CSMD3: variants seen among roughly 807,000 people sequenced by gnomAD.
The protein encoded by CSMD3 is CUB and sushi domain-containing protein 3.
Under a neutral mutation model 435.2 loss-of-function variants are expected in CSMD3, and 177 were observed. The observed-to-expected ratio is 0.41, with a 90% CI of 0.36 to 0.46. CSMD3 has a LOEUF of 0.46. Among genes scored for constraint, CSMD3 ranks in the 20% least tolerant of loss-of-function variants. The pLI is 0.34. For missense variants in CSMD3, 4,265 were observed against 4,504.6 expected (o/e 0.95, Z 1.52); for synonymous variants, 1,656 against 1,520.5 (o/e 1.09, Z -2.07).
intron 10 of CSMD3, among the ~76,000 whole-genome samples, chr8:112,870,894 A>G (rs574750308): frequency 6.6e-6 from 1 of 152,336 alleles, no homozygotes; most frequent in Admixed American, 6.5e-5. Context: ...AATAGATTAC[A>G]AAAGGCTATT....
At chr8:112,454,519 C>T (rs1399028033) in intron 32 of CSMD3, among the ~76,000 whole-genome samples, 3 of 152,076 alleles carry the variant, frequency 2.0e-5, no homozygotes, top group Admixed American at 6.6e-5. Flanking sequence ...CAGGGAAATG[C>T]AAATCCAAAC....
chr8:113,272,185 T>G (rs1331441312), intron 3 of CSMD3, among the ~76,000 whole-genome samples: 2 of 152,166 alleles, frequency 1.3e-5, no homozygotes, highest in Admixed American at 6.5e-5. Flanking sequence ...TGTGGACTTC[T>G]GGGTTAATGC....
intron 3 of CSMD3, among the ~76,000 whole-genome samples, chr8:113,204,826 C>G (rs2092753316): frequency 1.3e-5 from 2 of 152,006 alleles, no homozygotes; most frequent in South Asian, 4.2e-4. Context: ...AAAGATATAC[C>G]CGAGACTGGG....
At chr8:112,337,454 A>T (rs1244236451) in intron 43 of CSMD3, 89 bp downstream of exon 43, 22 of 964,004 alleles carry the variant, frequency 2.3e-5, no homozygotes, top group Non-Finnish European at 3.7e-5. Context: ...TTAGCATGCT[A>T]TTGGAAGAGG....
intron 22 of CSMD3, among the ~76,000 whole-genome samples, chr8:112,636,228 G>A (rs141195075): frequency 1.3e-5 from 2 of 151,968 alleles, no homozygotes; most frequent in African/African-American, 2.4e-5. Flanking sequence ...TTTAATTATA[G>A]TTATTTTTTA....
At chr8:112,814,431 A>G (rs533015821) in intron 12 of CSMD3, among the ~76,000 whole-genome samples, 25 of 152,238 alleles carry the variant, frequency 1.6e-4, no homozygotes, top group South Asian at 8.3e-4. Flanking sequence ...TCTTATCTTT[A>G]TGTAGATATA....
In CSMD3 at chr8:112,993,909, TCAAA is replaced by T. The variant is rs1433424959; in HGVS notation, c.1031-17765_1031-17762del. Reference sequence around the variant, plus strand: ...ACATGTAGGAGTTATTCACATAGATTCAAACAGTCAGCTGTATCAATTAACTTTT... The same window carrying T: ...ACATGTAGGAGTTATTCACATAGATTCAGTCAGCTGTATCAATTAACTTTT... On this transcript the variant is annotated intron_variant, in intron 6 of 70. Coordinates refer to ENST00000297405, the MANE Select transcript of CSMD3 (RefSeq NM_198123.2). Among the ~76,000 whole-genome samples, 4 of 151,722 alleles carry T rather than the reference TCAAA, an allele frequency of 2.6e-5. No homozygotes were observed. The Admixed American group carries it at 2.6e-4, about 10-fold the overall frequency.
chr8:113,024,803 A>C (rs1273955998), intron 5 of CSMD3, among the ~76,000 whole-genome samples: 2 of 152,170 alleles, frequency 1.3e-5, no homozygotes, highest in Non-Finnish European at 2.9e-5. Flanking sequence ...TAGTAAAGTC[A>C]GAGCCTTTAG....
intron 13 of CSMD3, among the ~76,000 whole-genome samples, chr8:112,743,088 CTGTG>C (rs1211326954): frequency 6.6e-6 from 1 of 151,982 alleles, no homozygotes; most frequent in Non-Finnish European, 1.5e-5. Flanking sequence ...TTAAGTGACT[CTGTG>C]TGTACACACA....
At chr8:113,048,739 C>A (rs866199494) in intron 5 of CSMD3, among the ~76,000 whole-genome samples, 1 of 152,190 alleles carries the variant, frequency 6.6e-6, no homozygotes, top group East Asian at 1.9e-4. Flanking sequence ...AAAATAAGAA[C>A]CATGGTAGAT....
intron 42 of CSMD3, among the ~76,000 whole-genome samples, chr8:112,340,162 C>G (rs913122997): frequency 1.3e-5 from 2 of 152,308 alleles, no homozygotes; most frequent in South Asian, 4.1e-4. Flanking sequence ...AGGCCATGTA[C>G]ACTTGCTAAA....
chr8:112,651,658 C>A (rs908065102), intron 18 of CSMD3, among the ~76,000 whole-genome samples: 1 of 152,000 alleles, frequency 6.6e-6, no homozygotes, highest in Non-Finnish European at 1.5e-5. Context: ...CTGCCTCAGC[C>A]TCCCGAGTAG....
intron 13 of CSMD3, among the ~76,000 whole-genome samples, chr8:112,709,197 A>G (rs1197968848): frequency 6.6e-6 from 1 of 152,134 alleles, no homozygotes; most frequent in East Asian, 1.9e-4. Context: ...ATATCCCCAT[A>G]AATGTATTAT....
chr8:112,961,406 A>G (rs1314311531), intron 7 of CSMD3, among the ~76,000 whole-genome samples: 1 of 151,906 alleles, frequency 6.6e-6, no homozygotes, highest in Non-Finnish European at 1.5e-5. Context: ...AATCATATTG[A>G]TTATATGAAT....
At chr8:112,762,309 ATTGT>A (rs2077859846) in intron 13 of CSMD3, among the ~76,000 whole-genome samples, 1 of 151,946 alleles carries the variant, frequency 6.6e-6, no homozygotes, top group African/African-American at 2.4e-5. Flanking sequence ...TTGTACATGT[ATTGT>A]CATAAATAAA....
At chr8:112,938,380 A>G (rs957446856) in intron 9 of CSMD3, among the ~76,000 whole-genome samples, 7 of 152,218 alleles carry the variant, frequency 4.6e-5, no homozygotes, top group African/African-American at 1.4e-4. Context: ...CTTCTCAAAT[A>G]AAATGTTACA....
At chr8:113,070,388 A>G (rs17661766) in intron 5 of CSMD3, among the ~76,000 whole-genome samples, 16,815 of 151,982 alleles carry the variant, frequency 0.11, 1,000 homozygotes, top group Middle Eastern at 0.18. Flanking sequence ...TAGTACATCA[A>G]TAGTGTCTGC....
intron 1 of CSMD3, among the ~76,000 whole-genome samples, chr8:113,431,561 A>G (rs1487096023): frequency 1.3e-5 from 2 of 152,232 alleles, no homozygotes; most frequent in Non-Finnish European, 2.9e-5. Flanking sequence ...GGTATTTTAT[A>G]TCCTTAAGCC....
intron 9 of CSMD3, among the ~76,000 whole-genome samples, chr8:112,934,761 C>A (rs947089180): frequency 1.3e-5 from 2 of 152,078 alleles, no homozygotes; most frequent in Non-Finnish European, 2.9e-5. Flanking sequence ...ACACTCGGGA[C>A]ACTGTGATGC....
Sources: allele counts gnomAD v4.1 joint callset (sites outside exome capture counted in the v4.1 genomes callset), GRCh38; gene constraint gnomAD v4.1.1; transcripts MANE v1.5; gene names NCBI Gene and HGNC (gene_info 2026-07-23, HGNC 2026-07-21).